CLVS1: variants seen among roughly 807,000 people sequenced by gnomAD.
CLVS1 encodes clavesin 1.
Under a neutral mutation model 33.1 loss-of-function variants are expected in CLVS1, and 10 were observed. The ratio of observed to expected loss-of-function variants is 0.30; its 90% CI spans 0.19 to 0.51. The LOEUF (loss-of-function observed/expected upper bound fraction) is 0.51, where lower values mean the gene tolerates loss of function less well. Among genes scored for constraint, CLVS1 ranks in the 20% least tolerant of loss-of-function variants. CLVS1 has a pLI of 0.97. For synonymous variants in CLVS1, 163 were observed against 166.1 expected, an observed-to-expected ratio of 0.98 and a Z score of 0.14; for missense variants, 343 against 433.4, an observed-to-expected ratio of 0.79 and a Z score of 1.85.
the CLVS1 span, among the ~76,000 whole-genome samples, chr8:61,009,901 G>T: frequency 1.3e-5 from 2 of 152,222 alleles, no homozygotes; most frequent in African/African-American, 4.8e-5. Context: ...ATAAGAAACG[G>T]CTTTGACCAT....
the CLVS1 span, among the ~76,000 whole-genome samples, chr8:61,034,604 A>T: frequency 6.6e-6 from 1 of 152,132 alleles, no homozygotes; most frequent in Non-Finnish European, 1.5e-5. Context: ...TTCCACGTGT[A>T]AATGAAATCA....
chr8:61,088,950 T>C (rs62524483), intron 1 of CLVS1, among the ~76,000 whole-genome samples: 20,348 of 151,824 alleles, frequency 0.13, 1,471 homozygotes, highest in East Asian at 0.23. Flanking sequence ...TACAGGCGCC[T>C]GCCACTACGC....
At chr8:61,059,506 A>ACACC in intron 1 of CLVS1, among the ~76,000 whole-genome samples, 1 of 141,616 alleles carries the variant, frequency 7.1e-6, no homozygotes, top group East Asian at 2.1e-4. Context: ...ATATACACAT[A>ACACC]TCTTGAAAAT....
chr8:61,435,390 AG>A (rs1309574012), intron 3 of CLVS1, among the ~76,000 whole-genome samples: 8 of 152,294 alleles, frequency 5.3e-5, no homozygotes, highest in Non-Finnish European at 1.0e-4. Context: ...GTAGTGAGTT[AG>A]AATTTTGTCT....
At chr8:61,457,094 T>C (rs1443996581) in intron 4 of CLVS1, among the ~76,000 whole-genome samples, 1 of 151,642 alleles carries the variant, frequency 6.6e-6, no homozygotes, top group African/African-American at 2.4e-5. Flanking sequence ...TGCCCCACCA[T>C]GCCCAGCTAA....
intron 2 of CLVS1, among the ~76,000 whole-genome samples, chr8:61,144,460 A>G (rs1806376201): frequency 2.0e-5 from 3 of 152,156 alleles, no homozygotes; most frequent in Non-Finnish European, 4.4e-5. Flanking sequence ...ATTGATGGGC[A>G]TTTGGGTTGG....
chr8:61,432,978 A>G (rs1816171870), intron 3 of CLVS1, among the ~76,000 whole-genome samples: 1 of 152,160 alleles, frequency 6.6e-6, no homozygotes, highest in Non-Finnish European at 1.5e-5. Context: ...CAATGAGGCC[A>G]GTGCTCACTC....
At chr8:61,391,155 C>T (rs1299448943) in intron 3 of CLVS1, 2 of 152,172 alleles carry the variant, frequency 1.3e-5, no homozygotes, top group Non-Finnish European at 2.9e-5. Context: ...TGCTGAGGAC[C>T]TATTCAGAAG....
chr8:61,050,536 C>T, the CLVS1 span, among the ~76,000 whole-genome samples: 1 of 152,234 alleles, frequency 6.6e-6, no homozygotes, highest in Non-Finnish European at 1.5e-5. Flanking sequence ...AAAGCCCTGG[C>T]TCTTGTCTCT....
At chr8:61,072,572 T>C (rs1345533631) in intron 1 of CLVS1, among the ~76,000 whole-genome samples, 1 of 152,224 alleles carries the variant, frequency 6.6e-6, no homozygotes. Context: ...TCTAAACAGA[T>C]GCATTTGTTA....
intron 5 of CLVS1, among the ~76,000 whole-genome samples, chr8:61,471,457 G>A (rs944347147): frequency 6.6e-6 from 1 of 152,158 alleles, no homozygotes; most frequent in African/African-American, 2.4e-5. Context: ...ATTATGCATG[G>A]TGGCTTGAAA....
chr8:61,467,253 C>T (rs895842887), intron 5 of CLVS1, among the ~76,000 whole-genome samples: 1 of 152,140 alleles, frequency 6.6e-6, no homozygotes, highest in Non-Finnish European at 1.5e-5. Flanking sequence ...AGATGCAACA[C>T]GCAGAAGGAT....
chr8:61,156,642 T>C lies in CLVS1; in HGVS notation c.-152+24782T>C, dbSNP rs372969286. ...ATTTAAAAGATTACTACACTATGAT[T>C]TTGATAAATAACAGTAATAATTGGA... On this transcript the variant is annotated intron_variant, in intron 2 of 2. Transcript: ENST00000522621. Among the ~76,000 whole-genome samples, 188 of 152,316 alleles carry C rather than the reference T, an allele frequency of 1.2e-3. 1 individual carries two copies. Among genetic ancestry groups the C allele is most frequent in the African/African-American group, 4.3e-3 (179 of 41,572 alleles).
chr8:60,996,432 C>A, the CLVS1 span, among the ~76,000 whole-genome samples: 2 of 152,158 alleles, frequency 1.3e-5, no homozygotes, highest in Non-Finnish European at 2.9e-5. Flanking sequence ...CAAAAGCAAG[C>A]CAACAGCAGC....
chr8:61,143,995 A>G (rs1249856797), intron 2 of CLVS1, among the ~76,000 whole-genome samples: 1 of 151,378 alleles, frequency 6.6e-6, no homozygotes, highest in Non-Finnish European at 1.5e-5. Flanking sequence ...AGATGAGTTA[A>G]ATTGTTTTCT....
intron 3 of CLVS1, among the ~76,000 whole-genome samples, chr8:61,433,849 G>C (rs749092971): frequency 1.3e-5 from 2 of 152,120 alleles, no homozygotes; most frequent in African/African-American, 4.8e-5. Flanking sequence ...AGGAAGTGGA[G>C]GTTGCAGTGA....
At chr8:61,088,838 G>T (rs1651425667) in intron 1 of CLVS1, among the ~76,000 whole-genome samples, 1 of 144,046 alleles carries the variant, frequency 6.9e-6, no homozygotes. Context: ...GTCTCGCTCT[G>T]TCGCCCAGGC....
chr8:61,044,979 C>A, the CLVS1 span, among the ~76,000 whole-genome samples: 1 of 152,152 alleles, frequency 6.6e-6, no homozygotes, highest in Non-Finnish European at 1.5e-5. Context: ...TACAAACAAC[C>A]AAACAGATGG....
At chr8:61,221,706 G>C (rs967403054) in intron 2 of CLVS1, among the ~76,000 whole-genome samples, 1 of 152,186 alleles carries the variant, frequency 6.6e-6, no homozygotes, top group African/African-American at 2.4e-5. Flanking sequence ...CATAAAATGA[G>C]TGATGGAGGA....
Sources: allele counts gnomAD v4.1 joint callset (sites outside exome capture counted in the v4.1 genomes callset), GRCh38; gene constraint gnomAD v4.1.1; transcripts MANE v1.5; gene names NCBI Gene and HGNC (gene_info 2026-07-23, HGNC 2026-07-21).